The following SYNE1 variants were observed in gnomAD, a reference collection of about 807,000 sequenced individuals.
SYNE1 encodes spectrin repeat containing nuclear envelope protein 1, also known as nesprin-1.
A neutral mutation model predicts 1,111.0 loss-of-function variants in SYNE1; 616 were observed. That is an observed-to-expected ratio of 0.55 (90% CI 0.52 to 0.59). SYNE1 has a LOEUF of 0.59. Ranked by LOEUF, SYNE1 falls within the 20% of genes least tolerant of loss-of-function variation. The probability of loss-of-function intolerance (pLI) is 0.00; values close to 1 mark genes in which losing one functional copy is unlikely to be tolerated. For missense variants in SYNE1, 10,006 were observed against 10,417.0 expected (o/e 0.96, Z 1.72); for synonymous variants, 3,855 against 3,825.8 (o/e 1.01, Z -0.28).
At chr6:152,636,081 G>A (rs2099705432) in intron 2 of SYNE1, among the ~76,000 whole-genome samples, 1 of 152,208 alleles carries the variant, frequency 6.6e-6, no homozygotes, top group Non-Finnish European at 1.5e-5. Flanking sequence ...TCTTTATAAA[G>A]AGGAGACGAA....
chr6:152,634,805 C>T lies in SYNE1; in HGVS notation c.-224+1833G>A, dbSNP rs1030840744. On this transcript the variant is annotated intron_variant, in intron 2 of 145. Transcript: ENST00000367255. ...AAGACATCTGCAACCTTCTTTTTTT[C>T]CCTTGCTACAGTATATTGCACACCT... 2.6e-5 allele frequency among the ~76,000 whole-genome samples: 4 copies of T among 152,106 alleles called. No homozygotes were observed. In the South Asian group the frequency reaches 6.2e-4, roughly 24 times the overall value.
chr6:152,629,189 A>G (rs559910834), intron 2 of SYNE1, among the ~76,000 whole-genome samples: 1 of 151,976 alleles, frequency 6.6e-6, no homozygotes, highest in East Asian at 1.9e-4. Context: ...TTTTCCTTCT[A>G]AATTCTCTGC....
chr6:152,206,589 T>G (rs1179190134), intron 125 of SYNE1, among the ~76,000 whole-genome samples: 1 of 152,090 alleles, frequency 6.6e-6, no homozygotes, highest in East Asian at 1.9e-4. Context: ...AGATAACCAC[T>G]CTTTAAGATT....
At chr6:152,214,875 G>C (rs2078270870) in intron 122 of SYNE1, 31 bp downstream of exon 122, 1 of 1,613,542 alleles carries the variant, frequency 6.2e-7, no homozygotes, top group South Asian at 1.1e-5. Flanking sequence ...AAGACAACTG[G>C]AGCAACCAAG....
chr6:152,137,133 T>C (rs1406083441), intron 140 of SYNE1, among the ~76,000 whole-genome samples: 2 of 152,066 alleles, frequency 1.3e-5, no homozygotes, highest in Non-Finnish European at 2.9e-5. Flanking sequence ...AAAGAATATA[T>C]CTGAACAAAG....
At chr6:152,458,989 G>A in intron 21 of SYNE1, 59 bp from the exon 22 acceptor site, 1 of 1,472,140 alleles carries the variant, frequency 6.8e-7, no homozygotes, top group Admixed American at 1.7e-5. Context: ...CTAGCTCAGG[G>A]AACGTTCATA....
At chr6:152,166,416 T>C (rs1312258100) in intron 130 of SYNE1, among the ~76,000 whole-genome samples, 1 of 152,242 alleles carries the variant, frequency 6.6e-6, no homozygotes, top group Non-Finnish European at 1.5e-5. Context: ...GTTTTACTTC[T>C]AGATTCAACA....
Position 152,502,707 on chromosome 6 carries a change from T to C in SYNE1, c.814A>G (p.Met272Val). ...DVDKPDEKSI[M>V]TYVAQFLKHY... Reference sequence around the variant, plus strand: ...TTCAGAAACTGGGCTACATAGGTCATAATAGATTTCTCATCTGGTTTATCC... The same window carrying C: ...TTCAGAAACTGGGCTACATAGGTCACAATAGATTTCTCATCTGGTTTATCC... The change falls in exon 10 of 146, where the codon ATG (methionine) becomes GTG (valine). Residue 272 changes from methionine to valine, a missense_variant. This residue lies in a region of SYNE1 where 1,971 missense variants were observed against 2,084.1 expected (regional missense o/e 0.95). Transcript: ENST00000367255. 1 of 1,613,824 alleles carries C rather than the reference T, an allele frequency of 6.2e-7. No homozygotes were observed. Among genetic ancestry groups the C allele is most frequent in the Non-Finnish European group, 8.5e-7 (1 of 1,179,840 alleles).
chr6:152,436,296 T>A (rs187464207), intron 32 of SYNE1, among the ~76,000 whole-genome samples, 195 bp from the exon 33 acceptor site: 1 of 152,116 alleles, frequency 6.6e-6, no homozygotes, highest in African/African-American at 2.4e-5. Context: ...TGCTAACAGT[T>A]TTTTATTTTA....
At chr6:152,317,821 T>C (rs2095770540) in intron 86 of SYNE1, among the ~76,000 whole-genome samples, 1 of 152,176 alleles carries the variant, frequency 6.6e-6, no homozygotes, top group Non-Finnish European at 1.5e-5. Flanking sequence ...TACTTCTCCA[T>C]TTTACAAAAT....
At chr6:152,266,611 C>T (rs1226271343) in intron 100 of SYNE1, among the ~76,000 whole-genome samples, 1 of 152,136 alleles carries the variant, frequency 6.6e-6, no homozygotes, top group Non-Finnish European at 1.5e-5. Context: ...TAAAGTCAGT[C>T]CCTGCTTATA....
At chr6:152,468,572 A>G (rs2098785271) in intron 16 of SYNE1, among the ~76,000 whole-genome samples, 3 of 152,216 alleles carry the variant, frequency 2.0e-5, no homozygotes, top group South Asian at 4.1e-4. Flanking sequence ...GAATTCTTTA[A>G]GCACTCAGTG....
chr6:152,436,485 C>G (rs215005), intron 32 of SYNE1, among the ~76,000 whole-genome samples: 76,990 of 151,676 alleles, frequency 0.51, 21,685 homozygotes, highest in East Asian at 0.75. Context: ...GATTTTTGTA[C>G]AGATGAGGTC....
Position 152,385,795 on chromosome 6 carries a change from A to G in SYNE1, c.8531T>C (p.Met2844Thr). 1 of 1,614,070 alleles carries G rather than the reference A, an allele frequency of 6.2e-7. No homozygotes were observed. The highest frequency in any genetic ancestry group is 8.5e-7 in the Non-Finnish European group (1 of 1,179,924). Reference protein sequence around the residue: ...KVEEIVKDHLMYLDAVHEFTD... With the variant: ...KVEEIVKDHLTYLDAVHEFTD... Reference sequence around the variant, plus strand: ...GAACTCGTGGACCGCATCTAAATACATTAGATGATCTTTCACAATCTCTTC... The same window carrying G: ...GAACTCGTGGACCGCATCTAAATACGTTAGATGATCTTTCACAATCTCTTC... The change falls in exon 55 of 146, where the codon ATG becomes ACG. Residue 2844 changes from methionine to threonine, a missense_variant. Physicochemically the swap from Met to Thr is moderately conservative, Grantham distance 81 (BLOSUM62 -1). This residue lies in a region of SYNE1 where 4,955 missense variants were observed against 5,017.2 expected (regional missense o/e 0.99). Coordinates refer to ENST00000367255, the MANE Select transcript of SYNE1 (RefSeq NM_182961.4).
chr6:152,539,563 A>C (rs9384009), intron 4 of SYNE1, among the ~76,000 whole-genome samples: 52,489 of 151,962 alleles, frequency 0.35, 9,458 homozygotes, highest in East Asian at 0.45. Flanking sequence ...CTATCATAAT[A>C]TCTTTAGCTA....
chr6:152,323,606 C>T lies in SYNE1; in HGVS notation c.15789G>A (p.Gln5263=), dbSNP rs1322723756. ...GCAGCATGCCCAAGGCCGACTGCTG[C>T]TGCTCCAGCTCCAGAACGAACGTGT... ...YHDTFVLELE[Q]QQSALGMLRQ... The change falls in exon 82 of 146, where the codon CAG becomes CAA. Residue 5263 remains glutamine, a synonymous_variant. Transcript: ENST00000367255. The T allele has an allele frequency of 3.1e-6, 5 of 1,614,254 alleles. No individual in the cohort carries two copies. Among genetic ancestry groups the T allele is most frequent in the South Asian group, 2.2e-5 (2 of 91,088 alleles).
At chr6:152,146,728 G>C (rs1422028410) in intron 137 of SYNE1, 1 of 152,174 alleles carries the variant, frequency 6.6e-6, no homozygotes, top group Non-Finnish European at 1.5e-5. Flanking sequence ...CCACAAATCA[G>C]CCTCCAACTC....
intron 34 of SYNE1, among the ~76,000 whole-genome samples, chr6:152,431,372 C>T (rs2098426510): frequency 6.6e-6 from 1 of 152,148 alleles, no homozygotes; most frequent in Non-Finnish European, 1.5e-5. Flanking sequence ...CCAGGGACCT[C>T]ATTGCTATGT....
At chr6:152,541,897 A>C (rs887787874) in intron 3 of SYNE1, among the ~76,000 whole-genome samples, 1 of 152,088 alleles carries the variant, frequency 6.6e-6, no homozygotes, top group Non-Finnish European at 1.5e-5. Flanking sequence ...ACTCAGCGAC[A>C]CACAATTTAC....
Sources: gnomAD v4.1 joint callset for allele counts (sites outside exome capture counted in the v4.1 genomes callset) on GRCh38, gnomAD v4.1.1 for gene constraint, gnomAD v4.1.1 regional missense constraint, MANE v1.5 for transcripts, NCBI Gene and HGNC (gene_info 2026-07-23, HGNC 2026-07-21) for gene names.